The following ZNF569 variants were observed in gnomAD, a reference collection of about 807,000 sequenced individuals.
ZNF569 encodes the protein DNA-binding protein.
ZNF569 carries 38 observed loss-of-function variants against 56.3 expected under a neutral mutation model. The ratio of observed to expected loss-of-function variants is 0.68; its 90% CI spans 0.52 to 0.88. The LOEUF is 0.88. Ranked by LOEUF, ZNF569 falls within the 40% of genes least tolerant of loss-of-function variation. The probability of loss-of-function intolerance (pLI) is 0.00; values close to 1 mark genes in which losing one functional copy is unlikely to be tolerated. For synonymous variants in ZNF569, 241 were observed against 262.9 expected, an observed-to-expected ratio of 0.92 and a Z score of 0.81; for missense variants, 666 against 809.2, an observed-to-expected ratio of 0.82 and a Z score of 2.15.
In ZNF569 at chr19:37,413,166, C is replaced by A. The variant is rs1289561587; in HGVS notation, c.1492G>T (p.Glu498Ter). ...TTTTGGCTGAAGGCTTTACCACATT[C>A]ATTGCATTCATAGGGTTTCTCTCCA... Reference protein sequence around the residue: ...HSGEKPYECNECGKAFSQKQN... With the variant: ...HSGEKPYECN Residue 498 changes from glutamate to a stop codon, truncating the protein, a stop_gained, in exon 6 of 6, where the codon GAA becomes TAA. Transcript: ENST00000316950. LOFTEE classifies it high-confidence loss of function. The A allele has an allele frequency of 1.2e-6, 2 of 1,606,916 alleles. No individual in the cohort carries two copies. The highest frequency in any genetic ancestry group is 1.7e-6 in the Non-Finnish European group (2 of 1,177,508).
At chr19:37,436,520 CAA>C (rs1228368304) in intron 3 of ZNF569, among the ~76,000 whole-genome samples, 5 of 150,720 alleles carry the variant, frequency 3.3e-5, no homozygotes, top group Non-Finnish European at 7.4e-5. Flanking sequence ...GAAAATGATA[CAA>C]AAGATTAACA....
intron 2 of ZNF569, among the ~76,000 whole-genome samples, chr19:37,464,168 T>G (rs2041796571): frequency 6.6e-6 from 1 of 152,052 alleles, no homozygotes; most frequent in Non-Finnish European, 1.5e-5. Context: ...AATATATATA[T>G]AGGTATACCA....
intron 2 of ZNF569, among the ~76,000 whole-genome samples, chr19:37,461,043 A>G (rs1451613895): frequency 6.6e-6 from 1 of 152,230 alleles, no homozygotes; most frequent in Non-Finnish European, 1.5e-5. Context: ...AACCACTCCA[A>G]TAACTCAAAA....
chr19:37,414,460 T>C (rs778862203), intron 5 of ZNF569, 41 bp from the exon 6 acceptor site: 5 of 1,520,830 alleles, frequency 3.3e-6, no homozygotes, highest in South Asian at 2.7e-5. Context: ...CAAATTTTTT[T>C]CCAATATTGT....
At chr19:37,469,212 C>G, upstream of ZNF569, 1 of 1,303,424 alleles carries the variant, frequency 7.7e-7, no homozygotes, top group Non-Finnish European at 9.8e-7. Flanking sequence ...GGCCGTGTTA[C>G]AAACCCTGCG....
chr19:37,429,796 A>C (rs1280889219), intron 3 of ZNF569, among the ~76,000 whole-genome samples: 1 of 152,234 alleles, frequency 6.6e-6, no homozygotes, highest in Non-Finnish European at 1.5e-5. Context: ...CTTTCTCACA[A>C]CTTCAGGATG....
At chr19:37,419,722 CA>C (rs570646425) in intron 5 of ZNF569, among the ~76,000 whole-genome samples, 48 of 140,106 alleles carry the variant, frequency 3.4e-4, no homozygotes, top group Non-Finnish European at 3.9e-4. Flanking sequence ...GACTACGTCT[CA>C]AAAAAAAAAA....
At chr19:37,454,738 C>G in intron 2 of ZNF569, 1 of 669,354 alleles carries the variant, frequency 1.5e-6, no homozygotes. Context: ...CCCCACCTCC[C>G]TAATTTTGCA....
intron 2 of ZNF569, among the ~76,000 whole-genome samples, chr19:37,451,543 C>T (rs1009274088): frequency 4.0e-5 from 6 of 151,898 alleles, no homozygotes; most frequent in Non-Finnish European, 5.9e-5. Flanking sequence ...TTAAAGTCTC[C>T]TATTATATTG....
chr19:37,426,434 C>T, intron 3 of ZNF569, 56 bp from the exon 4 acceptor site: 4 of 1,506,536 alleles, frequency 2.7e-6, no homozygotes, highest in South Asian at 1.4e-5. Flanking sequence ...TGATTGTAAA[C>T]AAAATATATT....
At chr19:37,444,833 G>GT (rs1202925941) in intron 3 of ZNF569, 74 bp downstream of exon 3, 1 of 1,181,522 alleles carries the variant, frequency 8.5e-7, no homozygotes, top group Non-Finnish European at 1.2e-6. Context: ...ATAATTTACT[G>GT]TATGAATTAC....
chr19:37,452,961 A>G (rs1454400623), intron 2 of ZNF569, among the ~76,000 whole-genome samples: 2 of 151,958 alleles, frequency 1.3e-5, no homozygotes, highest in Non-Finnish European at 2.9e-5. Context: ...GCTTGATGGT[A>G]TTCTATAACC....
At chr19:37,452,104 G>A (rs2041603244) in intron 2 of ZNF569, among the ~76,000 whole-genome samples, 2 of 151,972 alleles carry the variant, frequency 1.3e-5, no homozygotes, top group South Asian at 4.1e-4. Context: ...TCTGGCATAT[G>A]TAGTTAGTTT....
At chr19:37,468,070 T>TG (rs1465966351), upstream of ZNF569, 9 of 687,678 alleles carry the variant, frequency 1.3e-5, no homozygotes, top group East Asian at 5.8e-5. Context: ...ATGCCTTTCG[T>TG]GTTTTTTTTT....
chr19:37,419,574 A>T (rs989341405), intron 5 of ZNF569, among the ~76,000 whole-genome samples: 4 of 152,040 alleles, frequency 2.6e-5, no homozygotes, highest in African/African-American at 9.7e-5. Flanking sequence ...ATTCAAAAAA[A>T]TTAGCCGGGC....
chr19:37,448,351 AG>A (rs1415811479), intron 2 of ZNF569, among the ~76,000 whole-genome samples: 1 of 152,160 alleles, frequency 6.6e-6, no homozygotes, highest in Non-Finnish European at 1.5e-5. Flanking sequence ...TCAAATTCGC[AG>A]GTATGGAGTT....
chr19:37,421,711 A>G (rs144729164), intron 5 of ZNF569, among the ~76,000 whole-genome samples: 35 of 133,940 alleles, frequency 2.6e-4, no homozygotes, highest in African/African-American at 9.3e-4. Flanking sequence ...CTTTCTTATC[A>G]TCTTATCATT....
intron 2 of ZNF569, among the ~76,000 whole-genome samples, chr19:37,460,140 T>TTTTG (rs773735315): frequency 4.6e-5 from 7 of 152,066 alleles, no homozygotes; most frequent in African/African-American, 9.7e-5. Context: ...GGTAGTGTTT[T>TTTTG]TTTGTTTGTT....
At chr19:37,447,253 G>A (rs574951546) in intron 2 of ZNF569, among the ~76,000 whole-genome samples, 96 of 152,280 alleles carry the variant, frequency 6.3e-4, no homozygotes, top group Non-Finnish European at 1.2e-3. Context: ...TATTTATCCA[G>A]AGGAAAAGAA....
Sources: gnomAD v4.1 joint callset for allele counts (sites outside exome capture counted in the v4.1 genomes callset) on GRCh38, gnomAD v4.1.1 for gene constraint, MANE v1.5 for transcripts, NCBI Gene and HGNC (gene_info 2026-07-23, HGNC 2026-07-21) for gene names.